CTNNA2: variants seen among roughly 807,000 people sequenced by gnomAD.
CTNNA2 encodes catenin alpha 2.
Under a neutral mutation model 101.0 loss-of-function variants are expected in CTNNA2, and 42 were observed. The ratio of observed to expected loss-of-function variants is 0.42; its 90% CI spans 0.32 to 0.54. The LOEUF (loss-of-function observed/expected upper bound fraction) is 0.54. Among genes scored for constraint, CTNNA2 ranks in the 20% least tolerant of loss-of-function variants. The pLI is 0.14. For synonymous variants in CTNNA2, 450 were observed against 456.4 expected (o/e 0.99, Z 0.18); for missense variants, 871 against 1,223.1 (o/e 0.71, Z 4.29).
At chr2:80,507,261 C>T (rs918219580) in intron 9 of CTNNA2, among the ~76,000 whole-genome samples, 8 of 152,082 alleles carry the variant, frequency 5.3e-5, no homozygotes, top group African/African-American at 1.7e-4. Flanking sequence ...ATCTTAACAG[C>T]CAATGACTCT....
chr2:80,316,967 A>T (rs1678188659), intron 7 of CTNNA2, among the ~76,000 whole-genome samples: 1 of 152,160 alleles, frequency 6.6e-6, no homozygotes, highest in African/African-American at 2.4e-5. Flanking sequence ...GACCTGCTTT[A>T]TCTACGGGTA....
intron 7 of CTNNA2, among the ~76,000 whole-genome samples, chr2:80,207,957 G>GA (rs1451371197): frequency 1.3e-5 from 2 of 152,130 alleles, no homozygotes; most frequent in Non-Finnish European, 2.9e-5. Flanking sequence ...CAGGAAAAAA[G>GA]AAATTGTCAG....
chr2:79,790,950 T>TATATTAGCTAGAG (rs1373606217), intron 3 of CTNNA2, among the ~76,000 whole-genome samples: 2 of 152,182 alleles, frequency 1.3e-5, no homozygotes, highest in Non-Finnish European at 2.9e-5. Flanking sequence ...ATAGAGAACA[T>TATATTAGCTAGAG]ATATTAGCTA....
chr2:79,865,032 T>TA (rs2103991359), intron 4 of CTNNA2, among the ~76,000 whole-genome samples: 1 of 152,214 alleles, frequency 6.6e-6, no homozygotes, highest in South Asian at 2.1e-4. Context: ...AAACTGAAAA[T>TA]AACTTTGGAA....
At chr2:80,327,952 G>A (rs759411629) in intron 7 of CTNNA2, among the ~76,000 whole-genome samples, 5 of 152,006 alleles carry the variant, frequency 3.3e-5, no homozygotes, top group Non-Finnish European at 7.4e-5. Flanking sequence ...TATTTTTTAT[G>A]TTACTTTCTC....
intron 9 of CTNNA2, among the ~76,000 whole-genome samples, chr2:80,494,351 A>C (rs1295233375): frequency 1.3e-5 from 2 of 152,236 alleles, no homozygotes; most frequent in Non-Finnish European, 2.9e-5. Context: ...ATGGCTGTGG[A>C]CTAAAGAACA....
chr2:80,475,055 T>C (rs1417855099), intron 9 of CTNNA2, among the ~76,000 whole-genome samples: 2 of 152,200 alleles, frequency 1.3e-5, no homozygotes, highest in African/African-American at 4.8e-5. Flanking sequence ...CTCAACATGT[T>C]AATTTTTCTG....
intron 7 of CTNNA2, among the ~76,000 whole-genome samples, chr2:80,084,840 A>G (rs1000068477): frequency 2.0e-5 from 3 of 152,090 alleles, no homozygotes; most frequent in Non-Finnish European, 4.4e-5. Context: ...TGTTTTAGGT[A>G]CAGGAATGAA....
chr2:80,147,116 C>A (rs193274378), intron 7 of CTNNA2, among the ~76,000 whole-genome samples: 1,596 of 152,086 alleles, frequency 0.01, 30 homozygotes, highest in African/African-American at 0.036. Flanking sequence ...CAGGCACACA[C>A]CATCATGCCT....
At chr2:79,476,900 A>G (rs1043928958) in intron 4 of CTNNA2, among the ~76,000 whole-genome samples, 2 of 152,166 alleles carry the variant, frequency 1.3e-5, no homozygotes, top group Admixed American at 6.5e-5. Flanking sequence ...CTTGTGCCTA[A>G]AAACCCTAAG....
At chr2:79,551,690 G>A (rs895549470) in intron 1 of CTNNA2, among the ~76,000 whole-genome samples, 2 of 152,174 alleles carry the variant, frequency 1.3e-5, no homozygotes, top group African/African-American at 2.4e-5. Context: ...TCCACAAGTT[G>A]TACATGAAGT....
chr2:80,570,103 C>T (rs1353938711), intron 12 of CTNNA2, among the ~76,000 whole-genome samples: 2 of 152,074 alleles, frequency 1.3e-5, no homozygotes, highest in African/African-American at 4.8e-5. Flanking sequence ...GGCTGAAGTT[C>T]AGTGGTGCGA....
intron 1 of CTNNA2, among the ~76,000 whole-genome samples, chr2:79,521,541 G>A (rs1225422451): frequency 6.6e-6 from 1 of 152,138 alleles, no homozygotes; most frequent in Non-Finnish European, 1.5e-5. Flanking sequence ...TAGGCGCTTA[G>A]ACTAAATCAG....
chr2:79,935,221 A>T (rs570363492), intron 7 of CTNNA2, among the ~76,000 whole-genome samples: 1 of 152,058 alleles, frequency 6.6e-6, no homozygotes, highest in African/African-American at 2.4e-5. Context: ...GAAGAACACT[A>T]TTGTCTTTGT....
At chr2:80,100,738 G>T (rs147941166) in intron 7 of CTNNA2, among the ~76,000 whole-genome samples, 1 of 152,162 alleles carries the variant, frequency 6.6e-6, no homozygotes, top group Non-Finnish European at 1.5e-5. Flanking sequence ...GCAACTCTTC[G>T]TCTGAGGCTT....
intron 7 of CTNNA2, among the ~76,000 whole-genome samples, chr2:80,144,288 C>T (rs1326102744): frequency 2.0e-5 from 3 of 152,102 alleles, no homozygotes; most frequent in Admixed American, 6.6e-5. Flanking sequence ...CACAGATTCC[C>T]CATAGATGCA....
chr2:79,570,153 A>G (rs1295506912), intron 1 of CTNNA2, among the ~76,000 whole-genome samples: 1 of 152,126 alleles, frequency 6.6e-6, no homozygotes, highest in Non-Finnish European at 1.5e-5. Flanking sequence ...AAAGAGATGG[A>G]TTTCTAAGTT....
intron 1 of CTNNA2, among the ~76,000 whole-genome samples, chr2:79,574,585 G>A (rs368705640): frequency 5.9e-5 from 9 of 152,114 alleles, no homozygotes; most frequent in East Asian, 3.8e-4. Context: ...TACGTGGTAC[G>A]TATGTACCAC....
chr2:79,466,528 T>C (rs1670937986), intron 4 of CTNNA2, among the ~76,000 whole-genome samples: 1 of 151,916 alleles, frequency 6.6e-6, no homozygotes, highest in Non-Finnish European at 1.5e-5. Context: ...TTGAAGAGAG[T>C]AGTGGTTCTC....
Sources: gnomAD v4.1 joint callset for allele counts (sites outside exome capture counted in the v4.1 genomes callset) on GRCh38, gnomAD v4.1.1 for gene constraint, MANE v1.5 for transcripts, NCBI Gene and HGNC (gene_info 2026-07-23, HGNC 2026-07-21) for gene names.